CTNNA3: variants seen among roughly 807,000 people sequenced by gnomAD.
CTNNA3 encodes the protein catenin alpha-3.
A neutral mutation model predicts 95.7 loss-of-function variants in CTNNA3; 76 were observed. The observed-to-expected ratio is 0.79, with a 90% CI of 0.66 to 0.96. CTNNA3 has a LOEUF of 0.96. Ranked by LOEUF, CTNNA3 falls within the 40% of genes least tolerant of loss-of-function variation. The pLI, the probability that CTNNA3 is intolerant of heterozygous loss-of-function variation, is 0.00. For missense variants in CTNNA3, 1,191 were observed against 1,089.8 expected, an observed-to-expected ratio of 1.09 and a Z score of -1.31; for synonymous variants, 431 against 374.4, an observed-to-expected ratio of 1.15 and a Z score of -1.74.
chr10:67,725,462 C>A (rs1034661678), intron 1 of CTNNA3, among the ~76,000 whole-genome samples: 1 of 152,152 alleles, frequency 6.6e-6, no homozygotes, highest in Non-Finnish European at 1.5e-5. Flanking sequence ...AAGGGGTGAG[C>A]CACTGCGCCC....
chr10:66,120,596 G>A (rs2082535213), intron 13 of CTNNA3, among the ~76,000 whole-genome samples: 1 of 152,020 alleles, frequency 6.6e-6, no homozygotes, highest in African/African-American at 2.4e-5. Context: ...AATTTTTAAA[G>A]CATTATGATT....
chr10:67,297,443 A>G (rs1040608941), intron 5 of CTNNA3, among the ~76,000 whole-genome samples: 5 of 152,224 alleles, frequency 3.3e-5, no homozygotes, highest in Non-Finnish European at 7.3e-5. Flanking sequence ...GCCCACTGGA[A>G]GGATTTCCCT....
intron 16 of CTNNA3, among the ~76,000 whole-genome samples, chr10:65,979,013 G>A (rs776342445): frequency 1.3e-5 from 2 of 152,058 alleles, no homozygotes; most frequent in Non-Finnish European, 2.9e-5. Context: ...TGGACATGTT[G>A]ATTTATGAGA....
In CTNNA3 at chr10:66,661,378, C is replaced by T. The variant is rs778309220; in HGVS notation, c.1282-39594G>A. On this transcript the variant is annotated intron_variant, in intron 9 of 17. Coordinates refer to ENST00000433211, the MANE Select transcript of CTNNA3 (RefSeq NM_013266.4). ...TTCTTGTGAGACTGATTCGCTATCA[C>T]GAGAATAGCATGGGAAAGACCGCCC... is the stretch of plus-strand genomic sequence containing the variant. 3.5e-4 allele frequency among the ~76,000 whole-genome samples: 54 copies of T among 152,140 alleles called. No individual in the cohort carries two copies. The Middle Eastern group carries it at 0.01, about 29-fold the overall frequency.
chr10:66,859,608 A>T (rs373714345), intron 7 of CTNNA3, among the ~76,000 whole-genome samples: 3 of 149,632 alleles, frequency 2.0e-5, no homozygotes, highest in Non-Finnish European at 4.5e-5. Context: ...GTCAGTGTGG[A>T]GATTCCTCAG....
At chr10:66,650,647 C>T (rs1845861389) in intron 9 of CTNNA3, among the ~76,000 whole-genome samples, 1 of 152,092 alleles carries the variant, frequency 6.6e-6, no homozygotes, top group African/African-American at 2.4e-5. Flanking sequence ...AGAGTTTATT[C>T]CTTCTGGTGG....
chr10:67,640,943 G>A (rs1307646858), intron 2 of CTNNA3, among the ~76,000 whole-genome samples: 2 of 152,168 alleles, frequency 1.3e-5, no homozygotes, highest in African/African-American at 4.8e-5. Context: ...ACATAGGCAT[G>A]GGCAAGGACT....
chr10:67,251,124 T>C (rs1866092110), intron 5 of CTNNA3, among the ~76,000 whole-genome samples: 1 of 152,104 alleles, frequency 6.6e-6, no homozygotes, highest in Admixed American at 6.5e-5. Flanking sequence ...ATAGAGTATA[T>C]CCACAAAACA....
At chr10:66,837,207 C>G (rs1842914305) in intron 7 of CTNNA3, among the ~76,000 whole-genome samples, 1 of 152,142 alleles carries the variant, frequency 6.6e-6, no homozygotes, top group African/African-American at 2.4e-5. Context: ...TAAGCAACAT[C>G]AGAAAGTTTC....
At chr10:66,701,528 T>C (rs1028537470) in intron 9 of CTNNA3, among the ~76,000 whole-genome samples, 1 of 152,202 alleles carries the variant, frequency 6.6e-6, no homozygotes, top group Admixed American at 6.5e-5. Flanking sequence ...TCTTCCTTAA[T>C]TTCTCTTGGC....
intron 5 of CTNNA3, among the ~76,000 whole-genome samples, chr10:67,278,856 A>G (rs779356897): frequency 1.3e-5 from 2 of 152,188 alleles, no homozygotes; most frequent in Non-Finnish European, 2.9e-5. Flanking sequence ...AAAGTAAGCC[A>G]CGATACACAG....
Position 66,446,287 on chromosome 10 carries a change from C to A in CTNNA3, c.1532-66935G>T, listed in dbSNP as rs551286914. On this transcript the variant is annotated intron_variant, in intron 11 of 17. Coordinates refer to ENST00000433211, the MANE Select transcript of CTNNA3 (RefSeq NM_013266.4). ...CCATTCCTTCTGAAACTATTCCAAC[C>A]AATAGAAAAAGAGGGAATCCTCCCT... is the stretch of plus-strand genomic sequence containing the variant. Among the ~76,000 whole-genome samples the A allele has an allele frequency of 1.2e-3, 183 of 152,138 alleles. 2 individuals carry two copies. The highest frequency in any genetic ancestry group is 4.0e-3 in the African/African-American group (166 of 41,512).
At chr10:66,477,300 T>C (rs1316201445) in intron 11 of CTNNA3, among the ~76,000 whole-genome samples, 1 of 152,114 alleles carries the variant, frequency 6.6e-6, no homozygotes, top group African/African-American at 2.4e-5. Context: ...TGTTTGTATT[T>C]GGGTTTATCT....
chr10:66,883,977 A>G (rs1430341981), intron 7 of CTNNA3, among the ~76,000 whole-genome samples: 1 of 152,098 alleles, frequency 6.6e-6, no homozygotes, highest in African/African-American at 2.4e-5. Flanking sequence ...AAGACTGGGC[A>G]TCTGCATCTG....
At chr10:66,379,489 A>C in intron 11 of CTNNA3, 137 bp from the exon 12 acceptor site, 1 of 734,468 alleles carries the variant, frequency 1.4e-6, no homozygotes, top group South Asian at 1.9e-5. Flanking sequence ...AGAATTATAA[A>C]AAAATTGGAG....
chr10:67,185,769 C>T (rs976732986), intron 6 of CTNNA3, among the ~76,000 whole-genome samples: 25 of 152,032 alleles, frequency 1.6e-4, no homozygotes, highest in Non-Finnish European at 2.9e-4. Context: ...CACCTGTAAT[C>T]CCAGCATTTT....
At chr10:67,469,725 T>C (rs1188573382) in intron 5 of CTNNA3, among the ~76,000 whole-genome samples, 2 of 152,062 alleles carry the variant, frequency 1.3e-5, no homozygotes, top group East Asian at 3.8e-4. Flanking sequence ...AACCTGCACA[T>C]TCTGCACATG....
chr10:66,281,472 C>G (rs1320502974), intron 12 of CTNNA3, among the ~76,000 whole-genome samples: 1 of 151,764 alleles, frequency 6.6e-6, no homozygotes, highest in African/African-American at 2.4e-5. Flanking sequence ...AATCAAGACT[C>G]TTCCACAGAT....
chr10:67,499,895 T>C (rs1271326174), intron 5 of CTNNA3, among the ~76,000 whole-genome samples: 2 of 152,182 alleles, frequency 1.3e-5, no homozygotes, highest in Non-Finnish European at 1.5e-5. Context: ...CCTGGATTCA[T>C]TGATTTTTGG....
Sources: allele counts gnomAD v4.1 joint callset (sites outside exome capture counted in the v4.1 genomes callset), GRCh38; gene constraint gnomAD v4.1.1; transcripts MANE v1.5; gene names NCBI Gene and HGNC (gene_info 2026-07-23, HGNC 2026-07-21).